MKLN1: variants seen among roughly 807,000 people sequenced by gnomAD.
MKLN1 encodes the protein muskelin 1.
MKLN1 carries 18 observed loss-of-function variants against 99.0 expected under a neutral mutation model. The observed-to-expected ratio is 0.18, with a 90% confidence interval of 0.13 to 0.27. MKLN1 has a LOEUF of 0.27. MKLN1 is among the 10% of genes least tolerant of loss of function. The pLI is 1.00. For missense variants in MKLN1, 621 were observed against 875.9 expected, an observed-to-expected ratio of 0.71 and a Z score of 3.67; for synonymous variants, 288 against 293.2, an observed-to-expected ratio of 0.98 and a Z score of 0.18.
intron 17 of MKLN1, among the ~76,000 whole-genome samples, chr7:131,483,932 CTG>C (rs952050103): frequency 6.6e-6 from 1 of 152,204 alleles, no homozygotes; most frequent in African/African-American, 2.4e-5. Context: ...AATATGGAAT[CTG>C]TAAATGATCA....
intron 1 of MKLN1, among the ~76,000 whole-genome samples, chr7:131,354,899 A>C (rs898013995): frequency 6.6e-6 from 1 of 152,092 alleles, no homozygotes; most frequent in Admixed American, 6.6e-5. Flanking sequence ...TTATGATGCT[A>C]TCTTGATCAT....
intron 1 of MKLN1, among the ~76,000 whole-genome samples, chr7:131,333,567 G>A (rs1483319101): frequency 6.0e-5 from 9 of 150,336 alleles, no homozygotes; most frequent in Non-Finnish European, 7.4e-5. Context: ...ACGGAGTTTC[G>A]CTCTTATTGC....
chr7:131,404,357 T>C (rs1167938650), intron 6 of MKLN1, among the ~76,000 whole-genome samples: 1 of 152,078 alleles, frequency 6.6e-6, no homozygotes, highest in Non-Finnish European at 1.5e-5. Context: ...GGGTCTCTCT[T>C]TGTCACCCAG....
intron 2 of MKLN1, among the ~76,000 whole-genome samples, chr7:131,157,043 T>TC (rs1211998634): frequency 6.6e-6 from 1 of 151,930 alleles, no homozygotes; most frequent in Non-Finnish European, 1.5e-5. Context: ...GTTGTCTAAC[T>TC]CCCCCCAGCT....
chr7:131,440,578 A>C (rs1229147360), intron 10 of MKLN1, among the ~76,000 whole-genome samples: 1 of 152,192 alleles, frequency 6.6e-6, no homozygotes, highest in Non-Finnish European at 1.5e-5. Context: ...ATATCCCAGT[A>C]CATTACCCCT....
intron 3 of MKLN1, among the ~76,000 whole-genome samples, chr7:131,295,148 A>G (rs910796062): frequency 1.3e-5 from 2 of 152,072 alleles, no homozygotes; most frequent in African/African-American, 2.4e-5. Flanking sequence ...TATTTTTTTT[A>G]ATTTTAATTT....
intron 2 of MKLN1, among the ~76,000 whole-genome samples, chr7:131,157,211 C>T (rs1189498706): frequency 6.6e-6 from 1 of 152,070 alleles, no homozygotes; most frequent in East Asian, 1.9e-4. Flanking sequence ...GAAGCCCTGT[C>T]TCTACAAAAA....
Position 131,363,549 on chromosome 7 carries a change from A to G in MKLN1, c.99-11875A>G, listed in dbSNP as rs140313481. Among the ~76,000 whole-genome samples the G allele has an allele frequency of 2.9e-3, 437 of 152,074 alleles. 2 individuals are homozygous for G. The highest frequency in any genetic ancestry group is 0.01 in the African/African-American group (425 of 41,538). On this transcript the variant is annotated intron_variant, in intron 1 of 17. Transcript: ENST00000352689. ...CTCTCAGTTTTCCAGTTATCTCTGC[A>G]TTTACCTATATCTTGGAGCCTGAGA...
chr7:131,251,897 T>C (rs767140033), intron 3 of MKLN1, among the ~76,000 whole-genome samples: 13 of 152,170 alleles, frequency 8.5e-5, no homozygotes, highest in Non-Finnish European at 1.9e-4. Flanking sequence ...CAGGTTGGTC[T>C]TGAACTCCTG....
intron 2 of MKLN1, among the ~76,000 whole-genome samples, chr7:131,179,816 C>T (rs997399636): frequency 3.9e-5 from 6 of 152,060 alleles, no homozygotes; most frequent in Non-Finnish European, 8.8e-5. Context: ...CCTTGTGATC[C>T]GCCTGCCTCG....
Position 131,488,426 on chromosome 7 carries a change from A to G in MKLN1, c.*698A>G, listed in dbSNP as rs1160677907. The G allele has an allele frequency of 6.6e-6, 1 of 152,562 alleles. No homozygotes were observed. The highest frequency in any genetic ancestry group is 2.1e-4 in the South Asian group (1 of 4,830). 9.5% of individuals were successfully genotyped at this position (152,562 alleles called of 1,614,324 possible). On this transcript the variant is annotated 3_prime_UTR_variant, in exon 18 of 18. Transcript: ENST00000352689. ...TCTGAGATTGGTATATAATATTTCT[A>G]TAATGATATATTTTATAGTAGATAT... is the stretch of plus-strand genomic sequence containing the variant.
chr7:131,175,676 C>T lies in MKLN1; in HGVS notation c.-296-27181C>T, dbSNP rs574941601. Among the ~76,000 whole-genome samples the T allele has an allele frequency of 7.2e-5, 11 of 152,238 alleles. No individual in the cohort carries two copies. In the East Asian group the frequency reaches 7.7e-4, roughly 11 times the overall value. ...CAGCACTTTGGGAGGCCAAGGCAAG[C>T]GGATCACAAGGTCAGGAGTTTGAGA... is the stretch of plus-strand genomic sequence containing the variant. On this transcript the variant is annotated intron_variant, in intron 2 of 7. Transcript: ENST00000416992.
chr7:131,222,290 G>A (rs1028506038), intron 3 of MKLN1, among the ~76,000 whole-genome samples: 2 of 152,230 alleles, frequency 1.3e-5, no homozygotes, highest in African/African-American at 4.8e-5. Flanking sequence ...GGAAACTGAA[G>A]CCCAGAGAGG....
intron 10 of MKLN1, among the ~76,000 whole-genome samples, chr7:131,441,613 A>G (rs944155817): frequency 6.6e-6 from 1 of 152,192 alleles, no homozygotes; most frequent in South Asian, 2.1e-4. Context: ...AAACAAATCA[A>G]AAGCGTGGAA....
intron 2 of MKLN1, among the ~76,000 whole-genome samples, chr7:131,143,521 C>T (rs978756936): frequency 2.0e-5 from 3 of 151,644 alleles, no homozygotes; most frequent in Non-Finnish European, 2.9e-5. Flanking sequence ...AAAGTGACTT[C>T]ACATAGAGAA....
chr7:131,173,218 C>T (rs184426739), intron 2 of MKLN1, among the ~76,000 whole-genome samples: 25 of 151,462 alleles, frequency 1.7e-4, no homozygotes, highest in African/African-American at 3.6e-4. Context: ...CTGGGAGTGA[C>T]GAAGTACCTG....
At chr7:131,485,486 TAC>T (rs901202172) in intron 17 of MKLN1, among the ~76,000 whole-genome samples, 4 of 152,066 alleles carry the variant, frequency 2.6e-5, no homozygotes, top group Admixed American at 2.0e-4. Context: ...ACAGGATATT[TAC>T]ACAGTCTCAA....
Position 131,488,152 on chromosome 7 carries a change from CT to C in MKLN1, c.*428del, listed in dbSNP as rs1797337103. 1.3e-5 allele frequency: 2 copies of C among 151,896 alleles called. No homozygotes were observed. Among genetic ancestry groups the C allele is most frequent in the Non-Finnish European group, 1.5e-5 (1 of 68,012 alleles). The allele number at this position is 151,896 out of a possible 1,614,324, so 9.4% of individuals were successfully genotyped here. ...TGTTGCTGTTGGTCATTTGGCCTGC[CT>C]TTTCCCTTCCTATTTCACTTTGCCT... On this transcript the variant is annotated 3_prime_UTR_variant, in exon 18 of 18. Coordinates refer to ENST00000352689, the MANE Select transcript of MKLN1 (RefSeq NM_013255.5).
At chr7:131,111,309 C>T (rs1403628308) in intron 1 of MKLN1, among the ~76,000 whole-genome samples, 1 of 152,154 alleles carries the variant, frequency 6.6e-6, no homozygotes, top group Non-Finnish European at 1.5e-5. Context: ...TGAATGGCAT[C>T]GGGTTAAAGG....
Sources: gnomAD v4.1 joint callset for allele counts (sites outside exome capture counted in the v4.1 genomes callset) on GRCh38, gnomAD v4.1.1 for gene constraint, MANE v1.5 for transcripts, NCBI Gene and HGNC (gene_info 2026-07-23, HGNC 2026-07-21) for gene names.